OPCML: variants seen among roughly 807,000 people sequenced by gnomAD.
The protein encoded by OPCML is opioid binding protein/cell adhesion molecule like.
In OPCML, 13 loss-of-function variants were observed where a neutral mutation model predicts 37.8. The ratio of observed to expected loss-of-function variants is 0.34; its 90% CI spans 0.22 to 0.55. The LOEUF (loss-of-function observed/expected upper bound fraction) is 0.55. OPCML is among the 20% of genes least tolerant of loss of function. The pLI is 0.91. For synonymous variants in OPCML, 176 were observed against 168.8 expected (o/e 1.04, Z -0.33); for missense variants, 341 against 435.6 (o/e 0.78, Z 1.93).
Position 133,046,676 on chromosome 11 carries a change from C to A in OPCML, c.62-103666G>T, listed in dbSNP as rs1192317203. 2.0e-5 allele frequency among the ~76,000 whole-genome samples: 3 copies of A among 152,154 alleles called. No individual in the cohort carries two copies. The East Asian group carries it at 5.8e-4, about 29-fold the overall frequency. ...TCTGTAGAGTACAGGATTAGGGGTG[C>A]CCATACTGTGGTTCACTTGTCCTAC... On this transcript the variant is annotated intron_variant, in intron 1 of 7. Coordinates refer to ENST00000524381, the MANE Select transcript of OPCML (RefSeq NM_001012393.5).
At chr11:132,751,807 A>ATG (rs779913629) in intron 2 of OPCML, among the ~76,000 whole-genome samples, 2 of 152,210 alleles carry the variant, frequency 1.3e-5, no homozygotes, top group Non-Finnish European at 2.9e-5. Flanking sequence ...TATTCAGGCT[A>ATG]TGTGTGTGAA....
At chr11:133,076,375 C>G (rs952965060) in intron 1 of OPCML, among the ~76,000 whole-genome samples, 1 of 152,144 alleles carries the variant, frequency 6.6e-6, no homozygotes, top group Non-Finnish European at 1.5e-5. Flanking sequence ...GGCATTCCTC[C>G]ACTGTAAGCC....
chr11:133,475,097 T>C (rs951525685), intron 1 of OPCML, among the ~76,000 whole-genome samples: 4 of 152,220 alleles, frequency 2.6e-5, no homozygotes, highest in Admixed American at 2.6e-4. Flanking sequence ...CCTGTTGCTG[T>C]TATGGAAATA....
intron 1 of OPCML, among the ~76,000 whole-genome samples, chr11:133,102,561 A>G (rs568940786): frequency 6.6e-6 from 1 of 152,252 alleles, no homozygotes; most frequent in East Asian, 1.9e-4. Context: ...ATCCTAGCTA[A>G]CATGGTGAAA....
chr11:133,212,580 C>T lies in OPCML; in HGVS notation c.62-269570G>A, dbSNP rs1441577069. The stretch of plus-strand genomic sequence containing the variant: ...CCCGCTGCACTCTTGATCTCCCTTA[C>T]TCTCTTTTACTTTCTCACTTGTCCA... On this transcript the variant is annotated intron_variant, in intron 1 of 7. Coordinates refer to ENST00000524381, the MANE Select transcript of OPCML (RefSeq NM_001012393.5). This position sits in a 1 kb window ranked among gnomAD's most constrained non-coding sequence, Gnocchi z 4.9. Among the ~76,000 whole-genome samples, 1 of 152,224 alleles carries T rather than the reference C, an allele frequency of 6.6e-6. No individual in the cohort carries two copies. The highest frequency in any genetic ancestry group is 1.9e-4 in the East Asian group (1 of 5,184).
intron 1 of OPCML, among the ~76,000 whole-genome samples, chr11:133,489,146 C>A: frequency 6.6e-6 from 1 of 151,976 alleles, no homozygotes; most frequent in African/African-American, 2.4e-5. Flanking sequence ...CTAAGAAAAA[C>A]TTTTCTGGAC....
At chr11:132,627,827 G>A (rs184700166) in intron 3 of OPCML, among the ~76,000 whole-genome samples, 503 of 152,264 alleles carry the variant, frequency 3.3e-3, no homozygotes, top group Middle Eastern at 6.8e-3. Flanking sequence ...CAATAATAAA[G>A]CAAATTCAAT....
At chr11:133,378,324 C>T (rs1291118959) in intron 1 of OPCML, among the ~76,000 whole-genome samples, 5 of 152,156 alleles carry the variant, frequency 3.3e-5, no homozygotes, top group African/African-American at 1.2e-4. Context: ...AGTGAAATTA[C>T]CACCCTCTTT....
intron 2 of OPCML, among the ~76,000 whole-genome samples, chr11:132,768,800 C>G (rs1946542280): frequency 6.6e-6 from 1 of 152,104 alleles, no homozygotes. Context: ...CCCGGGCTCC[C>G]CAGGTGAAGT....
intron 3 of OPCML, among the ~76,000 whole-genome samples, chr11:132,624,145 A>T (rs187151279): frequency 6.6e-6 from 1 of 152,352 alleles, no homozygotes; most frequent in African/African-American, 2.4e-5. Context: ...GTAGGGATTC[A>T]TATATTGATT....
At chr11:133,288,827 A>G (rs2155533) in intron 1 of OPCML, among the ~76,000 whole-genome samples, 64,887 of 151,688 alleles carry the variant, frequency 0.43, 15,508 homozygotes, top group East Asian at 0.76. Flanking sequence ...GAGGCCAACT[A>G]GACTGGGGTG....
intron 1 of OPCML, among the ~76,000 whole-genome samples, chr11:133,234,299 T>G (rs1940418591): frequency 6.6e-6 from 1 of 151,994 alleles, no homozygotes; most frequent in Non-Finnish European, 1.5e-5. Context: ...TTTCCATGAA[T>G]AACCAAACCT....
At chr11:133,330,407 T>C (rs1343096945) in intron 1 of OPCML, among the ~76,000 whole-genome samples, 1 of 152,146 alleles carries the variant, frequency 6.6e-6, no homozygotes, top group Admixed American at 6.6e-5. Context: ...TGCAGCACTA[T>C]TCACAATAGC....
chr11:133,360,497 G>C (rs761675511), intron 1 of OPCML: 3 of 152,204 alleles, frequency 2.0e-5, no homozygotes, highest in Admixed American at 1.3e-4. Context: ...GAGAGGCTCC[G>C]CTTCTGGGAG....
At chr11:133,078,352 T>A (rs562955220) in intron 1 of OPCML, among the ~76,000 whole-genome samples, 1 of 152,232 alleles carries the variant, frequency 6.6e-6, no homozygotes, top group Admixed American at 6.5e-5. Context: ...ATCTACACGC[T>A]TTCCACACTG....
chr11:132,502,747 T>A (rs1592275220), intron 4 of OPCML, among the ~76,000 whole-genome samples: 1 of 152,158 alleles, frequency 6.6e-6, no homozygotes. Context: ...GAAGGGGTAA[T>A]TAAGTAGCAG....
At chr11:132,600,846 T>G (rs1326229178) in intron 3 of OPCML, among the ~76,000 whole-genome samples, 1 of 137,856 alleles carries the variant, frequency 7.3e-6, no homozygotes, top group Non-Finnish European at 1.6e-5. Context: ...TAACTTTTTT[T>G]TTTTTTTTTT....
chr11:132,553,503 G>C (rs79482281), intron 3 of OPCML, among the ~76,000 whole-genome samples: 2 of 152,160 alleles, frequency 1.3e-5, no homozygotes, highest in Admixed American at 1.3e-4. Flanking sequence ...GCTTGGAACT[G>C]CTGGGCCACA....
intron 1 of OPCML, among the ~76,000 whole-genome samples, chr11:133,146,867 A>G (rs1949905041): frequency 6.6e-6 from 1 of 152,200 alleles, no homozygotes; most frequent in Admixed American, 6.5e-5. Context: ...GGACAAGGGG[A>G]AAAAACACAC....
Sources: gnomAD v4.1 joint callset for allele counts (sites outside exome capture counted in the v4.1 genomes callset) on GRCh38, gnomAD v4.1.1 for gene constraint, Gnocchi (gnomAD v3.1) non-coding constraint, MANE v1.5 for transcripts, NCBI Gene and HGNC (gene_info 2026-07-23, HGNC 2026-07-21) for gene names.